The following CARS2 variants were observed in gnomAD, a reference collection of about 807,000 sequenced individuals.
CARS2 encodes cysteinyl-tRNA synthetase 2, mitochondrial, also known as probable cysteine--tRNA ligase, mitochondrial.
A neutral mutation model predicts 68.8 loss-of-function variants in CARS2; 52 were observed. The ratio of observed to expected loss-of-function variants is 0.76; its 90% CI spans 0.61 to 0.95. The LOEUF (loss-of-function observed/expected upper bound fraction) is 0.95, where lower values mean the gene tolerates loss of function less well. Ranked by LOEUF, CARS2 falls within the 40% of genes least tolerant of loss-of-function variation. CARS2 has a pLI of 0.00. For missense variants in CARS2, 780 were observed against 754.2 expected (o/e 1.03, Z -0.40); for synonymous variants, 314 against 303.6 (o/e 1.03, Z -0.36).
chr13:110,687,267 C>T (rs1465182832), intron 5 of CARS2, among the ~76,000 whole-genome samples: 1 of 152,216 alleles, frequency 6.6e-6, no homozygotes, highest in Non-Finnish European at 1.5e-5. Context: ...GAAAACCCCA[C>T]AACAGCTTTG....
chr13:110,663,382 A>G, intron 9 of CARS2, 69 bp downstream of exon 9: 1 of 1,485,164 alleles, frequency 6.7e-7, no homozygotes, highest in Admixed American at 2.0e-5. Flanking sequence ...CTCAAATGAC[A>G]CAGAAGCCTT....
chr13:110,643,085 T>A (rs1887623284), intron 13 of CARS2: 2 of 285,084 alleles, frequency 7.0e-6, no homozygotes, highest in Non-Finnish European at 1.4e-5. Flanking sequence ...ACACAACATT[T>A]GACCTTGGTG....
chr13:110,692,035 CATAT>C (rs749625373), intron 3 of CARS2, among the ~76,000 whole-genome samples: 6 of 55,990 alleles, frequency 1.1e-4, no homozygotes, highest in East Asian at 5.9e-4. Context: ...CACACACACA[CATAT>C]ATATATATAC....
At position 110,671,472 on chromosome 13, in the gene CARS2, T is replaced by C. The variant is rs553347487; in HGVS notation, c.786-3999A>G. On this transcript the variant is annotated intron_variant, in intron 7 of 14. Transcript: ENST00000257347. Reference sequence around the variant, plus strand: ...TCATATCCAGCCAAACTAAGATTCATAGGTGAAGGAGAAATAAAATCCTTT... The same window carrying C: ...TCATATCCAGCCAAACTAAGATTCACAGGTGAAGGAGAAATAAAATCCTTT... 2.1e-4 allele frequency among the ~76,000 whole-genome samples: 32 copies of C among 152,280 alleles called. No homozygotes were observed. The East Asian group carries it at 6.0e-3, about 28-fold the overall frequency.
At chr13:110,644,518 G>A in intron 12 of CARS2, 35 bp from the exon 13 acceptor site, 3 of 1,612,908 alleles carry the variant, frequency 1.9e-6, no homozygotes, top group Non-Finnish European at 2.5e-6. Flanking sequence ...CTCCTTAAAA[G>A]CAGTCTTGAT....
At chr13:110,645,722 C>T (rs1888015657) in intron 12 of CARS2, 1 of 456,190 alleles carries the variant, frequency 2.2e-6, no homozygotes, top group Non-Finnish European at 3.9e-6. Flanking sequence ...CACAGAATTT[C>T]TCAGCCTCAG....
chr13:110,692,385 C>T (rs140063521), intron 3 of CARS2, among the ~76,000 whole-genome samples: 12 of 151,558 alleles, frequency 7.9e-5, no homozygotes, highest in African/African-American at 2.9e-4. Flanking sequence ...GCAGGAGAAT[C>T]GCCTGAACCC....
intron 9 of CARS2, among the ~76,000 whole-genome samples, chr13:110,660,801 G>A (rs1351282114): frequency 5.3e-5 from 7 of 133,162 alleles, no homozygotes; most frequent in South Asian, 2.3e-4. Flanking sequence ...TCTAGCTGTC[G>A]CCCAGGCTGG....
intron 3 of CARS2, among the ~76,000 whole-genome samples, chr13:110,691,987 G>GAAAAAAAA (rs36121848): frequency 2.6e-5 from 2 of 76,858 alleles, no homozygotes; most frequent in Non-Finnish European, 4.7e-5. Flanking sequence ...AAGCTGTGCA[G>GAAAAAAAA]AAAAAAAAAA....
exon 1 of CARS2, chr13:110,713,411 G>A (rs1478690986): frequency 9.9e-7 from 1 of 1,014,780 alleles, no homozygotes; most frequent in African/African-American, 1.7e-5. Context: ...CCGCCCAACA[G>A]GCTCTGCCTC....
chr13:110,664,769 G>C (rs888893247), intron 8 of CARS2: 1 of 449,624 alleles, frequency 2.2e-6, no homozygotes, highest in Non-Finnish European at 2.9e-6. Context: ...GGGAGGTGAT[G>C]AGGTCACAGG....
intron 2 of CARS2, among the ~76,000 whole-genome samples, chr13:110,703,766 T>G (rs1453915265): frequency 6.6e-6 from 1 of 152,266 alleles, no homozygotes; most frequent in Non-Finnish European, 1.5e-5. Context: ...TTTCCCAGTG[T>G]CCTGGGAGGA....
At chr13:110,664,176 A>G (rs1394633199) in intron 8 of CARS2, 4 of 985,290 alleles carry the variant, frequency 4.1e-6, no homozygotes, top group Admixed American at 1.2e-4. Flanking sequence ...TGTTTCTAAC[A>G]GAAGACTCTT....
At chr13:110,672,673 AAC>A (rs1267872994) in intron 7 of CARS2, among the ~76,000 whole-genome samples, 1 of 152,228 alleles carries the variant, frequency 6.6e-6, no homozygotes, top group African/African-American at 2.4e-5. Flanking sequence ...AGCAAGAGCA[AAC>A]ACATTCAAAA....
chr13:110,676,851 C>T lies in CARS2; in HGVS notation c.785+123G>A. On this transcript the variant is annotated intron_variant, in intron 7 of 14. Transcript: ENST00000257347. The surrounding 1 kb of genome is among the most constrained non-coding windows in gnomAD (Gnocchi z 4.0). ...GTCACACTCCGGCAAAAATCTCTTC[C>T]CAAAAAATCACCCATGGGCACACGT... 2 of 1,298,578 alleles carry T rather than the reference C, an allele frequency of 1.5e-6. No homozygotes were observed. The highest frequency in any genetic ancestry group is 2.0e-6 in the Non-Finnish European group (2 of 981,874). The allele number at this position is 1,298,578 out of a possible 1,614,324, so 80.4% of individuals were successfully genotyped here. A position where few individuals can be genotyped will look rare whatever the true frequency, so the allele number is the denominator to read the frequency against.
intron 13 of CARS2, chr13:110,643,694 C>T (rs1052450865): frequency 9.3e-5 from 15 of 160,658 alleles, no homozygotes; most frequent in South Asian, 1.7e-4. Flanking sequence ...AGGGACACAG[C>T]GCCAGCCCCA....
Position 110,665,480 on chromosome 13 carries a change from G to A in CARS2, c.919+1860C>T, listed in dbSNP as rs918989523. 6.1e-6 allele frequency: 6 copies of A among 985,336 alleles called. No homozygotes were observed. Among genetic ancestry groups the A allele is most frequent in the South Asian group, 4.7e-5 (1 of 21,288 alleles). The allele number at this position is 985,336 out of a possible 1,614,324, so 61.0% of individuals were successfully genotyped here. On this transcript the variant is annotated intron_variant, in intron 8 of 14. Coordinates refer to ENST00000257347, the MANE Select transcript of CARS2 (RefSeq NM_024537.4). This position sits in a 1 kb window ranked among gnomAD's most constrained non-coding sequence, Gnocchi z 4.3. ...GCAAATGCTTTCCCATTCCCACATC[G>A]GAAGGTGAACACGACCTCCGTTTCT...
chr13:110,654,949 AAAGAAAAAG>A (rs1566661480), intron 9 of CARS2, among the ~76,000 whole-genome samples: 4 of 136,350 alleles, frequency 2.9e-5, no homozygotes, highest in African/African-American at 1.3e-4. Flanking sequence ...AAAGAAAAAA[AAAGAAAAAG>A]AAAAAAAGGA....
At chr13:110,698,068 C>T in intron 3 of CARS2, 1 of 430,768 alleles carries the variant, frequency 2.3e-6, no homozygotes, top group Non-Finnish European at 4.6e-6. Flanking sequence ...GACTTCCAAT[C>T]CAAATCTTTA....
Sources: gnomAD v4.1 joint callset for allele counts (sites outside exome capture counted in the v4.1 genomes callset) on GRCh38, gnomAD v4.1.1 for gene constraint, Gnocchi (gnomAD v3.1) non-coding constraint, MANE v1.5 for transcripts, NCBI Gene and HGNC (gene_info 2026-07-23, HGNC 2026-07-21) for gene names.